The following ROBO2 variants were observed in gnomAD, a reference collection of about 807,000 sequenced individuals.
ROBO2 encodes roundabout homolog 2.
In ROBO2, 53 loss-of-function variants were observed where a neutral mutation model predicts 160.8. The ratio of observed to expected loss-of-function variants is 0.33; its 90% CI spans 0.26 to 0.41. The LOEUF is 0.41. ROBO2 is among the 10% of genes least tolerant of loss of function. The pLI is 1.00. For synonymous variants in ROBO2, 664 were observed against 611.7 expected (o/e 1.09, Z -1.26); for missense variants, 1,577 against 1,722.4 (o/e 0.92, Z 1.49).
At chr3:77,455,253 G>C (rs147712510) in intron 2 of ROBO2, among the ~76,000 whole-genome samples, 42 of 151,868 alleles carry the variant, frequency 2.8e-4, no homozygotes, top group Middle Eastern at 3.4e-3. Context: ...AATCATTGAC[G>C]GAAACTTGAA....
intron 2 of ROBO2, among the ~76,000 whole-genome samples, chr3:76,362,210 T>C (rs148571204): frequency 7.2e-5 from 11 of 151,872 alleles, no homozygotes; most frequent in African/African-American, 4.8e-5. Context: ...CAAATAATAC[T>C]AAAATTAGCT....
chr3:77,528,658 G>A (rs1410681407), intron 6 of ROBO2, among the ~76,000 whole-genome samples: 1 of 151,636 alleles, frequency 6.6e-6, no homozygotes, highest in South Asian at 2.1e-4. Flanking sequence ...GGAGGGGACT[G>A]AGTTTAAGAT....
chr3:77,284,419 G>A (rs991039016), intron 2 of ROBO2, among the ~76,000 whole-genome samples: 1 of 152,138 alleles, frequency 6.6e-6, no homozygotes, highest in African/African-American at 2.4e-5. Flanking sequence ...ACCTAGCCGT[G>A]ATGATTAAAT....
At chr3:77,033,955 A>G (rs1175082232) in intron 2 of ROBO2, among the ~76,000 whole-genome samples, 1 of 151,974 alleles carries the variant, frequency 6.6e-6, no homozygotes, top group Admixed American at 6.6e-5. Context: ...GGGGTTCTAT[A>G]AAATTTGTAC....
intron 19 of ROBO2, among the ~76,000 whole-genome samples, chr3:77,599,120 T>C (rs2153690548): frequency 6.6e-6 from 1 of 152,294 alleles, no homozygotes; most frequent in South Asian, 2.1e-4. Context: ...ACAACGTTTT[T>C]GTAGAGTTGA....
At chr3:77,602,679 A>ACCACCACCACCGCCGCCG (rs1205481916) in intron 20 of ROBO2, among the ~76,000 whole-genome samples, 188 bp downstream of exon 21, 1 of 104,986 alleles carries the variant, frequency 9.5e-6, no homozygotes. Flanking sequence ...CACCACCACC[A>ACCACCACCACCGCCGCCG]CCACCACCAC....
At chr3:77,078,010 T>C (rs982401996) in intron 1 of ROBO2, among the ~76,000 whole-genome samples, 1 of 152,136 alleles carries the variant, frequency 6.6e-6, no homozygotes, top group Non-Finnish European at 1.5e-5. Flanking sequence ...ACAGTAACTT[T>C]GTTTCAGTAA....
chr3:75,979,659 G>A (rs1326104128), intron 2 of ROBO2, among the ~76,000 whole-genome samples: 2 of 151,518 alleles, frequency 1.3e-5, no homozygotes, highest in Non-Finnish European at 3.0e-5. Flanking sequence ...GGTGCTTTAT[G>A]TGTTTCTTGT....
At chr3:76,350,430 C>G (rs1194902233) in intron 2 of ROBO2, among the ~76,000 whole-genome samples, 1 of 151,940 alleles carries the variant, frequency 6.6e-6, no homozygotes, top group Admixed American at 6.6e-5. Context: ...GTTGTAATTG[C>G]CATTTTCTCT....
intron 2 of ROBO2, among the ~76,000 whole-genome samples, chr3:77,443,512 G>A (rs1484105020): frequency 6.6e-6 from 1 of 152,086 alleles, no homozygotes; most frequent in Non-Finnish European, 1.5e-5. Flanking sequence ...CCATGAAACA[G>A]TATGTCAAAA....
At chr3:75,949,058 T>G (rs1424794870) in intron 2 of ROBO2, among the ~76,000 whole-genome samples, 1 of 152,128 alleles carries the variant, frequency 6.6e-6, no homozygotes, top group Admixed American at 6.6e-5. Context: ...ATTTTTGTAT[T>G]TAAAATACTG....
chr3:76,160,303 G>A (rs1165229004), intron 2 of ROBO2, among the ~76,000 whole-genome samples: 1 of 152,100 alleles, frequency 6.6e-6, no homozygotes, highest in East Asian at 1.9e-4. Context: ...TGAAAGCTCT[G>A]CTCCTATCTG....
intron 2 of ROBO2, among the ~76,000 whole-genome samples, chr3:76,323,441 G>C (rs898375577): frequency 6.6e-6 from 1 of 152,096 alleles, no homozygotes; most frequent in Middle Eastern, 3.4e-3. Context: ...TGCAATCACT[G>C]TTCATTACCT....
chr3:76,568,393 G>A (rs574496785), intron 2 of ROBO2, among the ~76,000 whole-genome samples: 182 of 152,054 alleles, frequency 1.2e-3, no homozygotes, highest in African/African-American at 4.2e-3. Context: ...CGCCTCCCGG[G>A]TTCACACCAT....
intron 2 of ROBO2, among the ~76,000 whole-genome samples, chr3:75,971,525 T>C (rs942625852): frequency 1.5e-4 from 23 of 151,656 alleles, no homozygotes; most frequent in African/African-American, 5.5e-4. Flanking sequence ...AAAATTCAAT[T>C]CATCCTACTT....
At chr3:76,405,812 T>C (rs2078092992) in intron 2 of ROBO2, among the ~76,000 whole-genome samples, 1 of 151,724 alleles carries the variant, frequency 6.6e-6, no homozygotes, top group South Asian at 2.1e-4. Flanking sequence ...GAATCACTTT[T>C]CCTTGCTTTG....
chr3:76,756,172 A>G (rs1024583581), intron 2 of ROBO2, among the ~76,000 whole-genome samples: 1 of 151,870 alleles, frequency 6.6e-6, no homozygotes, highest in Non-Finnish European at 1.5e-5. Context: ...TCTCAAGCAA[A>G]TATGTTACAG....
At chr3:77,099,071 C>CTTTTTTTTTTTTTT (rs750626067) in intron 2 of ROBO2, among the ~76,000 whole-genome samples, 6 of 121,254 alleles carry the variant, frequency 4.9e-5, no homozygotes, top group Non-Finnish European at 9.9e-5. Context: ...TTCTTTCTTT[C>CTTTTTTTTTTTTTT]TTTTTTTTTT....
chr3:77,047,972 G>C (rs2064854728), intron 1 of ROBO2, among the ~76,000 whole-genome samples: 1 of 151,908 alleles, frequency 6.6e-6, no homozygotes, highest in Non-Finnish European at 1.5e-5. Context: ...GCTTGAACCT[G>C]GGAGGTGGAA....
Sources: gnomAD v4.1 joint callset for allele counts (sites outside exome capture counted in the v4.1 genomes callset) on GRCh38, gnomAD v4.1.1 for gene constraint, MANE v1.5 for transcripts, NCBI Gene and HGNC (gene_info 2026-07-23, HGNC 2026-07-21) for gene names.